PARPBP: variants seen among roughly 807,000 people sequenced by gnomAD.
PARPBP encodes PARP1 binding protein, also known as PCNA-interacting partner.
Under a neutral mutation model 50.0 loss-of-function variants are expected in PARPBP, and 52 were observed. That is an observed-to-expected ratio of 1.04 (90% CI 0.83 to 1.31). The LOEUF is 1.31. Among genes scored for constraint, PARPBP ranks in the 50% most tolerant of loss-of-function variants. The pLI is 0.00. For missense variants in PARPBP, 697 were observed against 672.0 expected (o/e 1.04, Z -0.41); for synonymous variants, 244 against 232.1 (o/e 1.05, Z -0.47).
At chr12:102,195,863 G>C in intron 10 of PARPBP, 88 bp from the exon 11 acceptor site, 1 of 790,368 alleles carries the variant, frequency 1.3e-6, no homozygotes, top group Non-Finnish European at 2.0e-6. Context: ...ATATTCGTTA[G>C]CCATTTTTAA....
In PARPBP at chr12:102,172,334, G is replaced by A. The variant is rs547094096; in HGVS notation, c.822-3149G>A. 2.0e-5 allele frequency among the ~76,000 whole-genome samples: 3 copies of A among 152,308 alleles called. No homozygotes were observed. In the South Asian group the frequency reaches 6.2e-4, roughly 32 times the overall value. On this transcript the variant is annotated intron_variant, in intron 6 of 10. Transcript: ENST00000327680. ...CCACTCAAACTTGTCTATACTTTCA[G>A]TAGTTCATTGTATCATTATCACTTG...
At chr12:102,152,308 C>G (rs920200601) in intron 3 of PARPBP, among the ~76,000 whole-genome samples, 3 of 152,088 alleles carry the variant, frequency 2.0e-5, no homozygotes, top group African/African-American at 4.8e-5. Context: ...GATTTACTCT[C>G]AAACTGCAGG....
In PARPBP at chr12:102,197,153, T is replaced by G; in HGVS notation, c.*862T>G. The G allele has an allele frequency of 6.2e-7, 1 of 1,611,636 alleles. No individual in the cohort carries two copies. Among genetic ancestry groups the G allele is most frequent in the Non-Finnish European group, 8.5e-7 (1 of 1,178,276 alleles). On this transcript the variant is annotated 3_prime_UTR_variant, in exon 11 of 11. Transcript: ENST00000327680. ...AGTGGCAGACCATGATTTAAGAAAT[T>G]ATGTTTGGAGCCTGTGTTCTGTAAA...
At chr12:102,126,573 G>T (rs904878957) in intron 2 of PARPBP, among the ~76,000 whole-genome samples, 2 of 152,152 alleles carry the variant, frequency 1.3e-5, no homozygotes, top group African/African-American at 4.8e-5. Flanking sequence ...GATCACATGA[G>T]GTCAGGAGTT....
intron 2 of PARPBP, among the ~76,000 whole-genome samples, chr12:102,139,142 T>G (rs1289916318): frequency 6.6e-6 from 1 of 152,238 alleles, no homozygotes; most frequent in Non-Finnish European, 1.5e-5. Flanking sequence ...CTTCCATTTG[T>G]CTGTGTCCTC....
chr12:102,143,697 G>A (rs1489106506), intron 2 of PARPBP, among the ~76,000 whole-genome samples: 1 of 152,104 alleles, frequency 6.6e-6, no homozygotes. Flanking sequence ...TTCATTAGGA[G>A]GCAACTAATA....
In PARPBP at chr12:102,121,545, CTTTTTTT is replaced by C. The variant is rs35855638; in HGVS notation, c.-4+1279_-4+1285del. Among the ~76,000 whole-genome samples, 16 of 87,194 alleles carry C rather than the reference CTTTTTTT, an allele frequency of 1.8e-4. No homozygotes were observed. The East Asian group carries it at 2.0e-3, about 11-fold the overall frequency. The allele number at this position is 87,194 out of a possible 152,430, so 57.2% of individuals were successfully genotyped here. A position where few individuals can be genotyped will look rare whatever the true frequency, so the allele number is the denominator to read the frequency against. On this transcript the variant is annotated intron_variant, in intron 1 of 10. Coordinates refer to ENST00000327680, the MANE Select transcript of PARPBP (RefSeq NM_017915.5). ...GGTTTTCTGTCACCATAGTAATGCT[CTTTTTTT>C]TTTTTTTTTTTTTTTTTTTAAGACA...
At chr12:102,169,390 C>T (rs1465863927) in intron 6 of PARPBP, among the ~76,000 whole-genome samples, 1 of 152,164 alleles carries the variant, frequency 6.6e-6, no homozygotes, top group Non-Finnish European at 1.5e-5. Flanking sequence ...TGGTGCCTCA[C>T]AGGCAACTCA....
chr12:102,133,226 A>G (rs1398225259), intron 2 of PARPBP, among the ~76,000 whole-genome samples: 2 of 152,082 alleles, frequency 1.3e-5, no homozygotes, highest in African/African-American at 4.8e-5. Flanking sequence ...CTTGTTCCTG[A>G]TCTTAAAGGG....
At chr12:102,187,187 A>G (rs976329378) in intron 9 of PARPBP, among the ~76,000 whole-genome samples, 1 of 152,192 alleles carries the variant, frequency 6.6e-6, no homozygotes, top group African/African-American at 2.4e-5. Context: ...AGCTTAAAAG[A>G]TGATGGTCAG....
At chr12:102,130,562 G>A (rs1156471401) in intron 2 of PARPBP, among the ~76,000 whole-genome samples, 1 of 152,014 alleles carries the variant, frequency 6.6e-6, no homozygotes, top group African/African-American at 2.4e-5. Context: ...CCATTAAGAA[G>A]TAGGCAAAAA....
chr12:102,140,678 G>T (rs1884437953), intron 2 of PARPBP, among the ~76,000 whole-genome samples: 1 of 152,190 alleles, frequency 6.6e-6, no homozygotes, highest in Non-Finnish European at 1.5e-5. Flanking sequence ...ATTCTGGTGT[G>T]TTGTGTCTTT....
At chr12:102,148,512 C>G (rs1460218146) in intron 3 of PARPBP, 49 bp downstream of exon 3, 1 of 721,508 alleles carries the variant, frequency 1.4e-6, no homozygotes, top group Non-Finnish European at 2.2e-6. Flanking sequence ...AAATTTAGCT[C>G]TATTTATTTT....
At chr12:102,145,175 T>C (rs1885181116) in intron 2 of PARPBP, among the ~76,000 whole-genome samples, 1 of 152,088 alleles carries the variant, frequency 6.6e-6, no homozygotes, top group African/African-American at 2.4e-5. Context: ...TAGAAAATAA[T>C]ATTTAGGAGT....
intron 6 of PARPBP, among the ~76,000 whole-genome samples, chr12:102,167,245 A>G (rs1426723039): frequency 6.6e-6 from 1 of 152,108 alleles, no homozygotes; most frequent in African/African-American, 2.4e-5. Context: ...GAAAAAGTAA[A>G]TGGTAAGCAA....
intron 2 of PARPBP, among the ~76,000 whole-genome samples, chr12:102,138,584 T>A (rs1480174222): frequency 6.6e-6 from 1 of 152,178 alleles, no homozygotes; most frequent in African/African-American, 2.4e-5. Flanking sequence ...CTGAATGGTA[T>A]TGCCTAGGTT....
intron 9 of PARPBP, among the ~76,000 whole-genome samples, chr12:102,193,625 A>T (rs1891004694): frequency 6.6e-6 from 1 of 152,082 alleles, no homozygotes; most frequent in Admixed American, 6.6e-5. Context: ...TTGCAGATGG[A>T]AATAAAAGTT....
chr12:102,128,525 C>T (rs954397040), intron 2 of PARPBP, among the ~76,000 whole-genome samples: 29 of 152,276 alleles, frequency 1.9e-4, no homozygotes, highest in Middle Eastern at 3.4e-3. Flanking sequence ...GCCACCGTGC[C>T]CGGCCTGTAA....
chr12:102,149,190 A>G lies in PARPBP; in HGVS notation c.387+727A>G, dbSNP rs561223371. ...GGAATTAGAGGAAAATGTTTGCTATATTTTGTAAGATAATCAATTATTTTA... is the reference window on the plus strand; with the variant it reads ...GGAATTAGAGGAAAATGTTTGCTATGTTTTGTAAGATAATCAATTATTTTA... On this transcript the variant is annotated intron_variant, in intron 3 of 10. Transcript: ENST00000327680. Among the ~76,000 whole-genome samples the G allele has an allele frequency of 1.1e-4, 17 of 152,348 alleles. No individual in the cohort carries two copies. The South Asian group carries it at 3.5e-3, about 32-fold the overall frequency.
Sources: allele counts gnomAD v4.1 joint callset (sites outside exome capture counted in the v4.1 genomes callset), GRCh38; gene constraint gnomAD v4.1.1; transcripts MANE v1.5; gene names NCBI Gene and HGNC (gene_info 2026-07-23, HGNC 2026-07-21).